The following MGMT variants were observed in gnomAD, a reference collection of about 807,000 sequenced individuals.
The protein encoded by MGMT is methylated-DNA--protein-cysteine methyltransferase.
MGMT carries 14 observed loss-of-function variants against 15.9 expected under a neutral mutation model. The observed-to-expected ratio is 0.88, with a 90% CI of 0.58 to 1.37. The LOEUF is 1.37. MGMT is among the 40% of genes most tolerant of loss of function. The pLI is 0.00. For synonymous variants in MGMT, 130 were observed against 118.2 expected (o/e 1.10, Z -0.65); for missense variants, 282 against 268.1 (o/e 1.05, Z -0.36).
chr10:129,591,534 G>A (rs1056537124), intron 2 of MGMT, among the ~76,000 whole-genome samples: 2 of 152,206 alleles, frequency 1.3e-5, no homozygotes, highest in African/African-American at 4.8e-5. Context: ...GGGGGAGGCT[G>A]CTCTAGCTGG....
chr10:129,760,508 GC>G (rs1206921983), intron 4 of MGMT, among the ~76,000 whole-genome samples: 1 of 152,302 alleles, frequency 6.6e-6, no homozygotes, highest in East Asian at 1.9e-4. Context: ...AATTGCTGTG[GC>G]TTTACTGTCT....
intron 2 of MGMT, among the ~76,000 whole-genome samples, chr10:129,603,776 A>C (rs1360469134): frequency 6.6e-6 from 1 of 152,358 alleles, no homozygotes; most frequent in Non-Finnish European, 1.5e-5. Flanking sequence ...TACACTGTGA[A>C]GAATAAAACT....
At chr10:129,614,566 C>A (rs759419613) in intron 2 of MGMT, among the ~76,000 whole-genome samples, 6 of 152,228 alleles carry the variant, frequency 3.9e-5, no homozygotes, top group Non-Finnish European at 7.3e-5. Context: ...TCTTTGGCAG[C>A]CGTTTCAAGC....
chr10:129,669,596 A>G (rs542207782), intron 2 of MGMT, among the ~76,000 whole-genome samples: 4 of 152,286 alleles, frequency 2.6e-5, no homozygotes, highest in African/African-American at 7.2e-5. Context: ...ATAATTTCCA[A>G]TTAAAGGTTG....
At chr10:129,537,751 T>C (rs772816598) in intron 2 of MGMT, among the ~76,000 whole-genome samples, 24 of 152,230 alleles carry the variant, frequency 1.6e-4, no homozygotes, top group Non-Finnish European at 2.9e-4. Context: ...CAGGTTCAGG[T>C]GTAAAAACAG....
At chr10:129,742,126 C>T (rs1564781732) in intron 3 of MGMT, among the ~76,000 whole-genome samples, 1 of 152,230 alleles carries the variant, frequency 6.6e-6, no homozygotes, top group Admixed American at 6.5e-5. Context: ...ATCCTCCCAT[C>T]GTTGGCTCGA....
intron 1 of MGMT, among the ~76,000 whole-genome samples, chr10:129,511,378 C>G (rs939088125): frequency 1.3e-5 from 2 of 151,376 alleles, no homozygotes; most frequent in African/African-American, 4.9e-5. Flanking sequence ...GTAATGGGAA[C>G]CCGTATACCA....
chr10:129,707,590 T>G (rs915916550), intron 2 of MGMT, among the ~76,000 whole-genome samples: 1 of 152,180 alleles, frequency 6.6e-6, no homozygotes, highest in African/African-American at 2.4e-5. Context: ...GAGTGCTTGA[T>G]GATTTAGGTG....
intron 1 of MGMT, among the ~76,000 whole-genome samples, chr10:129,501,669 C>T (rs34288617): frequency 0.22 from 33,038 of 152,128 alleles, 4,184 homozygotes; most frequent in Non-Finnish European, 0.28. Flanking sequence ...AAGCACCTGC[C>T]GCAGGTGATG....
At chr10:129,487,851 T>G (rs1465068592) in intron 1 of MGMT, among the ~76,000 whole-genome samples, 1 of 151,896 alleles carries the variant, frequency 6.6e-6, no homozygotes, top group Non-Finnish European at 1.5e-5. Context: ...CTTATGTGTG[T>G]GTTTTAAGTT....
intron 2 of MGMT, among the ~76,000 whole-genome samples, chr10:129,546,116 C>T (rs897627764): frequency 2.6e-4 from 40 of 152,256 alleles, no homozygotes; most frequent in African/African-American, 9.2e-4. Flanking sequence ...GTCATTTACT[C>T]GCTCATTCTC....
rs1339592930 is a variant in MGMT at position 129,594,775 on chromosome 10, G to A, written c.125+58398G>A. Among the ~76,000 whole-genome samples, 3 of 152,324 alleles carry A rather than the reference G, an allele frequency of 2.0e-5. No individual in the cohort carries two copies. The East Asian group carries it at 5.8e-4, about 29-fold the overall frequency. ...TACCACAGATACTGTCCCCAGAGAA[G>A]GTGCACCTCTACCACCAATGCCCTC... On this transcript the variant is annotated intron_variant, in intron 2 of 4. Transcript: ENST00000651593.
intron 2 of MGMT, among the ~76,000 whole-genome samples, chr10:129,577,576 A>G (rs980581558): frequency 1.3e-5 from 2 of 152,236 alleles, no homozygotes; most frequent in African/African-American, 2.4e-5. Context: ...CTAAAACCAT[A>G]AAAAGCCTAG....
intron 3 of MGMT, among the ~76,000 whole-genome samples, chr10:129,742,918 G>A (rs779098872): frequency 1.7e-4 from 25 of 150,286 alleles, no homozygotes; most frequent in East Asian, 4.0e-4. Context: ...CCCCACCACC[G>A]CAGCTGCCCA....
At chr10:129,733,314 G>A (rs377328168) in intron 3 of MGMT, among the ~76,000 whole-genome samples, 3 of 151,868 alleles carry the variant, frequency 2.0e-5, no homozygotes, top group Non-Finnish European at 4.4e-5. Context: ...GCCAGTGATG[G>A]TGAGCATTTT....
At chr10:129,570,850 C>G (rs1846409721) in intron 2 of MGMT, among the ~76,000 whole-genome samples, 1 of 152,116 alleles carries the variant, frequency 6.6e-6, no homozygotes, top group African/African-American at 2.4e-5. Context: ...CTATAAGGGC[C>G]TGAGGGCCTG....
intron 2 of MGMT, among the ~76,000 whole-genome samples, chr10:129,563,052 G>A (rs1038079795): frequency 1.3e-5 from 2 of 152,208 alleles, no homozygotes; most frequent in Non-Finnish European, 2.9e-5. Context: ...ATAGGCTCGT[G>A]TTCACTGATG....
At chr10:129,590,112 G>A (rs114950361) in intron 2 of MGMT, among the ~76,000 whole-genome samples, 30 of 152,332 alleles carry the variant, frequency 2.0e-4, no homozygotes, top group Middle Eastern at 3.4e-3. Context: ...CTCGAGGACC[G>A]GAGCTTCTGT....
chr10:129,560,135 G>A (rs1255718371), intron 2 of MGMT, among the ~76,000 whole-genome samples: 2 of 152,210 alleles, frequency 1.3e-5, no homozygotes, highest in Non-Finnish European at 2.9e-5. Context: ...CATTCTGATG[G>A]GAGAGCACGG....
Sources: allele counts gnomAD v4.1 joint callset (sites outside exome capture counted in the v4.1 genomes callset), GRCh38; gene constraint gnomAD v4.1.1; transcripts MANE v1.5; gene names NCBI Gene and HGNC (gene_info 2026-07-23, HGNC 2026-07-21).